Variants in ATP9A observed in about 807,000 individuals in gnomAD.
ATP9A encodes the protein ATPase phospholipid transporting 9A, also known as probable phospholipid-transporting ATPase IIA.
Under a neutral mutation model 144.1 loss-of-function variants are expected in ATP9A, and 52 were observed. That is an observed-to-expected ratio of 0.36 (90% CI 0.29 to 0.45). ATP9A has a LOEUF of 0.45. Among genes scored for constraint, ATP9A ranks in the 20% least tolerant of loss-of-function variants. The pLI is 1.00. For missense variants in ATP9A, 947 were observed against 1,392.7 expected, an observed-to-expected ratio of 0.68 and a Z score of 5.09; for synonymous variants, 582 against 557.4, an observed-to-expected ratio of 1.04 and a Z score of -0.62.
chr20:51,759,249 G>A (rs2077869007), intron 1 of ATP9A, among the ~76,000 whole-genome samples: 1 of 152,248 alleles, frequency 6.6e-6, no homozygotes, highest in African/African-American at 2.4e-5. Flanking sequence ...CCCAGAGAGG[G>A]GAAGGTCGGT....
chr20:51,679,260 G>A (rs996589947), intron 9 of ATP9A, among the ~76,000 whole-genome samples: 7 of 152,176 alleles, frequency 4.6e-5, no homozygotes, highest in African/African-American at 1.7e-4. Flanking sequence ...GGAGGCGGAG[G>A]TTGCAGTGAG....
At chr20:51,709,149 G>A (rs1407239605) in intron 4 of ATP9A, among the ~76,000 whole-genome samples, 1 of 152,318 alleles carries the variant, frequency 6.6e-6, no homozygotes, top group East Asian at 1.9e-4. Context: ...AAAAGGGAAT[G>A]TCTGCAACTT....
chr20:51,768,274 A>T, intron 1 of ATP9A, 28 bp downstream of exon 1: 1 of 1,243,312 alleles, frequency 8.0e-7, no homozygotes, highest in Non-Finnish European at 1.0e-6. Flanking sequence ...GCGCGGACAA[A>T]GGAAAACACG....
At chr20:51,646,786 A>T (rs2077343921) in intron 14 of ATP9A, among the ~76,000 whole-genome samples, 1 of 152,080 alleles carries the variant, frequency 6.6e-6, no homozygotes, top group Non-Finnish European at 1.5e-5. Flanking sequence ...AACAAAACAC[A>T]GCCTGCTAGG....
chr20:51,657,659 C>T (rs548275262), intron 13 of ATP9A, among the ~76,000 whole-genome samples: 1 of 152,320 alleles, frequency 6.6e-6, no homozygotes, highest in South Asian at 2.1e-4. Flanking sequence ...AAATCACCCT[C>T]GGCTTAGAAC....
intron 15 of ATP9A, among the ~76,000 whole-genome samples, chr20:51,629,403 T>C (rs2077262115): frequency 3.3e-5 from 5 of 152,206 alleles, no homozygotes; most frequent in Admixed American, 3.3e-4. Flanking sequence ...GCAGATATCA[T>C]CAAACTGTGG....
intron 15 of ATP9A, among the ~76,000 whole-genome samples, chr20:51,638,792 C>A (rs954048952): frequency 6.6e-6 from 1 of 152,042 alleles, no homozygotes; most frequent in Non-Finnish European, 1.5e-5. Context: ...TAAATACATT[C>A]TTTTAATAAG....
chr20:51,746,907 G>A (rs1015943970), intron 1 of ATP9A, among the ~76,000 whole-genome samples: 1 of 152,008 alleles, frequency 6.6e-6, no homozygotes, highest in Non-Finnish European at 1.5e-5. Context: ...TCCAGAGGCT[G>A]AGGCAGGAGA....
At position 51,596,887 on chromosome 20, in the gene ATP9A, G is replaced by A. The variant is rs1240988421; in HGVS notation, c.*4324C>T. 1 of 152,150 alleles carries A rather than the reference G, an allele frequency of 6.6e-6. No individual in the cohort carries two copies. 9.4% of individuals were successfully genotyped at this position (152,150 alleles called of 1,614,324 possible). A position where few individuals can be genotyped will look rare whatever the true frequency, so the allele number is the denominator to read the frequency against. ...CATATGTGTGTCATCACAGCATCGA[G>A]AATTTAAATCATCTGGAAGTTCCTG... On this transcript the variant is annotated 3_prime_UTR_variant, in exon 28 of 28. Transcript: ENST00000338821.
chr20:51,698,879 G>C (rs141862511), intron 4 of ATP9A, among the ~76,000 whole-genome samples: 77 of 152,276 alleles, frequency 5.1e-4, no homozygotes, highest in African/African-American at 1.8e-3. Context: ...GGCCAGTTGG[G>C]GCCAGGTGGC....
chr20:51,613,405 A>G lies in ATP9A; in HGVS notation c.2571+272T>C, dbSNP rs1207193722. 2.6e-5 allele frequency among the ~76,000 whole-genome samples: 4 copies of G among 152,290 alleles called. No individual in the cohort carries two copies. The South Asian group carries it at 8.3e-4, about 32-fold the overall frequency. ...CTGCTAACGCACACATCCTCACCAC[A>G]TGGCAGGAATGACCAGCACCGCTTA... On this transcript the variant is annotated intron_variant, in intron 23 of 27. Coordinates refer to ENST00000338821, the MANE Select transcript of ATP9A (RefSeq NM_006045.3).
intron 1 of ATP9A, among the ~76,000 whole-genome samples, chr20:51,753,450 CAAA>C (rs996701835): frequency 9.5e-5 from 9 of 94,768 alleles, no homozygotes; most frequent in Non-Finnish European, 1.8e-4. Context: ...GACTCCGTCT[CAAA>C]AAACAACAAC....
At chr20:51,715,597 A>C (rs943489856) in intron 3 of ATP9A, among the ~76,000 whole-genome samples, 4 of 152,182 alleles carry the variant, frequency 2.6e-5, no homozygotes, top group Non-Finnish European at 5.9e-5. Context: ...GCTGCAAATA[A>C]ATACCACCTC....
chr20:51,626,582 G>A (rs1175272567), intron 17 of ATP9A, among the ~76,000 whole-genome samples: 1 of 151,962 alleles, frequency 6.6e-6, no homozygotes, highest in Non-Finnish European at 1.5e-5. Context: ...GGTTGAGGCA[G>A]GAGGATGGCT....
At chr20:51,692,365 A>G (rs2122820696) in intron 7 of ATP9A, among the ~76,000 whole-genome samples, 1 of 152,372 alleles carries the variant, frequency 6.6e-6, no homozygotes, top group South Asian at 2.1e-4. Context: ...AAAGCAGCAT[A>G]TGTGAAGTGG....
In ATP9A at chr20:51,618,708, G is replaced by A. The variant is rs561727121; in HGVS notation, c.2304C>T (p.Ile768=). 8 of 1,613,438 alleles carry A rather than the reference G, an allele frequency of 5.0e-6. No homozygotes were observed. In the African/African-American group the frequency reaches 5.3e-5, roughly 11 times the overall value. ...CRCAPTQKAQ[I]VRLLQERTGK... ...CCGTGCGCTCCTGAAGCAGGCGCAC[G>A]ATCTGGGCCTTCTGGGTGGGGGCAC... Residue 768 remains isoleucine, a synonymous_variant, in exon 21 of 28, where the codon ATC becomes ATT. Coordinates refer to ENST00000338821, the MANE Select transcript of ATP9A (RefSeq NM_006045.3).
intron 1 of ATP9A, among the ~76,000 whole-genome samples, chr20:51,731,207 G>A (rs956568648): frequency 6.6e-6 from 1 of 151,984 alleles, no homozygotes; most frequent in African/African-American, 2.4e-5. Context: ...GGGAGGCTGA[G>A]GCAGGAGAAT....
chr20:51,651,293 TAATA>T (rs2077364516), intron 14 of ATP9A, among the ~76,000 whole-genome samples: 1 of 134,062 alleles, frequency 7.5e-6, no homozygotes, highest in African/African-American at 3.0e-5. Flanking sequence ...ATATATTATA[TAATA>T]TATATTTACA....
chr20:51,601,906 CAAAAAAAAGA>C (rs571022393), intron 27 of ATP9A, among the ~76,000 whole-genome samples: 150 of 150,802 alleles, frequency 9.9e-4, no homozygotes, highest in African/African-American at 3.5e-3. Context: ...GACACTGTCT[CAAAAAAAAGA>C]GAAAAAAAGA....
Sources: allele counts gnomAD v4.1 joint callset (sites outside exome capture counted in the v4.1 genomes callset), GRCh38; gene constraint gnomAD v4.1.1; transcripts MANE v1.5; gene names NCBI Gene and HGNC (gene_info 2026-07-23, HGNC 2026-07-21).